The following ZNRF3 variants were observed in gnomAD, a reference collection of about 807,000 sequenced individuals.
ZNRF3 encodes zinc and ring finger 3.
A neutral mutation model predicts 72.5 loss-of-function variants in ZNRF3; 23 were observed. That is an observed-to-expected ratio of 0.32 (90% CI 0.23 to 0.45). The LOEUF is 0.45. Among genes scored for constraint, ZNRF3 ranks in the 20% least tolerant of loss-of-function variants. ZNRF3 has a pLI of 1.00. For missense variants in ZNRF3, 1,169 were observed against 1,272.1 expected (o/e 0.92, Z 1.23); for synonymous variants, 610 against 545.3 (o/e 1.12, Z -1.65).
chr22:28,952,709 G>A (rs1187025840), intron 1 of ZNRF3, among the ~76,000 whole-genome samples: 1 of 152,092 alleles, frequency 6.6e-6, no homozygotes, highest in Non-Finnish European at 1.5e-5. Flanking sequence ...CTGGTGTCGA[G>A]CTTTGACAGT....
chr22:28,987,438 G>A (rs1369539490), intron 2 of ZNRF3, among the ~76,000 whole-genome samples: 1 of 152,180 alleles, frequency 6.6e-6, no homozygotes, highest in African/African-American at 2.4e-5. Context: ...CTTGTCCATT[G>A]TGTGGCCTTG....
intron 1 of ZNRF3, among the ~76,000 whole-genome samples, chr22:28,976,370 A>G (rs2035674911): frequency 6.6e-6 from 1 of 152,080 alleles, no homozygotes; most frequent in African/African-American, 2.4e-5. Flanking sequence ...AAAAATACAA[A>G]AATTAGCTGG....
intron 2 of ZNRF3, among the ~76,000 whole-genome samples, chr22:29,006,167 A>G (rs1477117581): frequency 6.7e-6 from 1 of 149,572 alleles, no homozygotes; most frequent in African/African-American, 2.5e-5. Flanking sequence ...GGGAAATTGG[A>G]CATTTCTCCA....
chr22:29,008,138 A>ACTC (rs2036291524), intron 2 of ZNRF3, among the ~76,000 whole-genome samples: 1 of 152,178 alleles, frequency 6.6e-6, no homozygotes, highest in Admixed American at 6.5e-5. Flanking sequence ...GAAGGAAATA[A>ACTC]GAGAGGGTGG....
At position 29,027,233 on chromosome 22, in the gene ZNRF3, T is replaced by A. The variant is rs1270057520; in HGVS notation, c.427-15262T>A. On this transcript the variant is annotated intron_variant, in intron 2 of 8. Transcript: ENST00000544604. ...GGAAGGAGTCTACCCCTCTATTTTT[T>A]ATTTAATTTTATTTATTTATTTATT... Among the ~76,000 whole-genome samples, 6 of 150,990 alleles carry A rather than the reference T, an allele frequency of 4.0e-5. No homozygotes were observed. In the South Asian group the frequency reaches 1.3e-3, roughly 32 times the overall value.
chr22:28,892,261 C>T (rs114162781), intron 1 of ZNRF3, among the ~76,000 whole-genome samples: 97 of 152,312 alleles, frequency 6.4e-4, no homozygotes, highest in African/African-American at 2.1e-3. Flanking sequence ...GACTTGGTCC[C>T]TGCCTGCAGG....
At chr22:28,933,042 T>C (rs1041195556) in intron 1 of ZNRF3, among the ~76,000 whole-genome samples, 3 of 152,232 alleles carry the variant, frequency 2.0e-5, no homozygotes, top group Non-Finnish European at 4.4e-5. Flanking sequence ...CCACCTATGA[T>C]AGTGGCCAAA....
At chr22:29,020,809 G>GAC in intron 2 of ZNRF3, among the ~76,000 whole-genome samples, 1 of 149,546 alleles carries the variant, frequency 6.7e-6, no homozygotes, top group Non-Finnish European at 1.5e-5. Flanking sequence ...GTGTGTGTGT[G>GAC]TGTTTGAGAC....
intron 1 of ZNRF3, among the ~76,000 whole-genome samples, chr22:28,893,687 G>A (rs925891871): frequency 6.6e-6 from 1 of 152,088 alleles, no homozygotes; most frequent in African/African-American, 2.4e-5. Context: ...CTGTAGAGAT[G>A]GGGTTTCCCC....
intron 1 of ZNRF3, among the ~76,000 whole-genome samples, chr22:28,967,696 G>A (rs1300171579): frequency 3.3e-5 from 5 of 152,066 alleles, no homozygotes; most frequent in Non-Finnish European, 7.4e-5. Context: ...GGAGGCTGAG[G>A]TGGGTGGATC....
At position 28,955,040 on chromosome 22, in the gene ZNRF3, T is replaced by TG. The variant is rs988073987; in HGVS notation, c.301-32036_301-32035insG. 6.5e-4 allele frequency among the ~76,000 whole-genome samples: 98 copies of TG among 149,748 alleles called. 1 individual carries two copies. Among genetic ancestry groups the TG allele is most frequent in the Middle Eastern group, 6.8e-3 (2 of 292 alleles). ...AAAATGGTATTTTTGGTGTTTTTTTTTTTTTGTTTTTTTTTTTTGAGACAA... is the reference window on the plus strand; with the variant it reads ...AAAATGGTATTTTTGGTGTTTTTTTTGTTTTTGTTTTTTTTTTTTGAGACAA... On this transcript the variant is annotated intron_variant, in intron 1 of 8. Coordinates refer to ENST00000544604, the MANE Select transcript of ZNRF3 (RefSeq NM_001206998.2).
At chr22:28,999,425 A>G (rs2036105613) in intron 2 of ZNRF3, among the ~76,000 whole-genome samples, 1 of 152,192 alleles carries the variant, frequency 6.6e-6, no homozygotes, top group East Asian at 1.9e-4. Context: ...GCAATGAGCT[A>G]TGATTGTGCC....
At chr22:29,004,253 G>A (rs570637897) in intron 2 of ZNRF3, among the ~76,000 whole-genome samples, 1 of 152,336 alleles carries the variant, frequency 6.6e-6, no homozygotes, top group South Asian at 2.1e-4. Context: ...TATACCATCA[G>A]CAAGTGGAGG....
At chr22:28,920,302 G>A (rs757959781) in intron 1 of ZNRF3, among the ~76,000 whole-genome samples, 15 of 147,542 alleles carry the variant, frequency 1.0e-4, no homozygotes, top group South Asian at 2.2e-4. Flanking sequence ...ACAGAGTCTC[G>A]CTCTGTTGCC....
Position 29,050,031 on chromosome 22 carries a change from G to C in ZNRF3, c.1850G>C (p.Gly617Ala). Residue 617 changes from glycine (G) to alanine (A), a missense_variant, in exon 8 of 9, where the codon GGC becomes GCC. Physicochemically the swap from Gly to Ala is moderately conservative, Grantham distance 60. This residue lies in a region of ZNRF3 where 783 missense variants were observed against 731.4 expected (regional missense o/e 1.07). Transcript: ENST00000544604. ...ASEAGGSGSS[G>A]RGPALCFEGS... is the part of the protein sequence containing the mutation. ...GAGGCGGGGGGCTCGGGCAGCTCGGGCCGGGGACCTGCCCTGTGCTTCGAG... is the reference window on the plus strand; with the variant it reads ...GAGGCGGGGGGCTCGGGCAGCTCGGCCCGGGGACCTGCCCTGTGCTTCGAG... 2 of 1,609,978 alleles carry C rather than the reference G, an allele frequency of 1.2e-6. No homozygotes were observed. Among genetic ancestry groups the C allele is most frequent in the Admixed American group, 3.3e-5 (2 of 59,760 alleles).
At chr22:29,033,140 A>C (rs942406757) in intron 2 of ZNRF3, among the ~76,000 whole-genome samples, 2 of 152,216 alleles carry the variant, frequency 1.3e-5, no homozygotes, top group African/African-American at 4.8e-5. Flanking sequence ...ACCTGAGGCC[A>C]GGAGTTCAAG....
intron 1 of ZNRF3, among the ~76,000 whole-genome samples, chr22:28,974,933 T>C (rs904946728): frequency 2.6e-5 from 4 of 152,258 alleles, no homozygotes; most frequent in African/African-American, 9.6e-5. Context: ...GATTTTTAAA[T>C]CTGTACATTA....
At chr22:29,031,840 A>G (rs547684967) in intron 2 of ZNRF3, among the ~76,000 whole-genome samples, 1 of 152,308 alleles carries the variant, frequency 6.6e-6, no homozygotes, top group African/African-American at 2.4e-5. Flanking sequence ...GGTGGCGGCA[A>G]CAGAAACAGG....
chr22:29,003,245 A>T lies in ZNRF3; in HGVS notation c.426+16044A>T, dbSNP rs941266587. 2.0e-5 allele frequency among the ~76,000 whole-genome samples: 3 copies of T among 152,166 alleles called. No individual in the cohort carries two copies. In the South Asian group the frequency reaches 6.2e-4, roughly 31 times the overall value. ...GAATCCATTTGTTTTGGCTGGGCGCAGTGGCTCATGTCTGTAATCCCAGCA... is the reference window on the plus strand; with the variant it reads ...GAATCCATTTGTTTTGGCTGGGCGCTGTGGCTCATGTCTGTAATCCCAGCA... On this transcript the variant is annotated intron_variant, in intron 2 of 8. Transcript: ENST00000544604.
Sources: allele counts gnomAD v4.1 joint callset (sites outside exome capture counted in the v4.1 genomes callset), GRCh38; gene constraint gnomAD v4.1.1; regional missense constraint gnomAD v4.1.1; transcripts MANE v1.5; gene names NCBI Gene and HGNC (gene_info 2026-07-23, HGNC 2026-07-21).